The following TBXAS1 variants were observed in gnomAD, a reference collection of about 807,000 sequenced individuals.
TBXAS1 encodes thromboxane A synthase 1.
A neutral mutation model predicts 60.7 loss-of-function variants in TBXAS1; 48 were observed. That is an observed-to-expected ratio of 0.79 (90% CI 0.63 to 1.01). The LOEUF (loss-of-function observed/expected upper bound fraction) is 1.01. Among genes scored for constraint, TBXAS1 ranks in the 50% least tolerant of loss-of-function variants. The probability of loss-of-function intolerance (pLI) is 0.00; values close to 1 mark genes in which losing one functional copy is unlikely to be tolerated. For missense variants in TBXAS1, 685 were observed against 686.3 expected, an observed-to-expected ratio of 1.00 and a Z score of 0.02; for synonymous variants, 287 against 269.7, an observed-to-expected ratio of 1.06 and a Z score of -0.63.
chr7:139,954,942 G>A (rs530999914), intron 6 of TBXAS1, among the ~76,000 whole-genome samples: 4 of 152,348 alleles, frequency 2.6e-5, no homozygotes, highest in Non-Finnish European at 5.9e-5. Flanking sequence ...AAATCATTAA[G>A]AGGAAGAGGG....
chr7:139,886,761 A>G (rs147937089), intron 3 of TBXAS1, among the ~76,000 whole-genome samples: 110 of 152,240 alleles, frequency 7.2e-4, no homozygotes, highest in African/African-American at 2.5e-3. Context: ...TAACTCTTCA[A>G]GTTCACTTCT....
Position 139,942,558 on chromosome 7 carries a change from C to G in TBXAS1, c.450+6251C>G, listed in dbSNP as rs1366837984. Among the ~76,000 whole-genome samples the G allele has an allele frequency of 4.6e-5, 7 of 152,124 alleles. No homozygotes were observed. The East Asian group carries it at 1.2e-3, about 25-fold the overall frequency. ...TTGTATGTTCTCCATTCTCAAAGCC[C>G]AATATAAATGATGGGCTTTCTTCAT... On this transcript the variant is annotated intron_variant, in intron 5 of 12. Transcript: ENST00000448866.
intron 1 of TBXAS1, among the ~76,000 whole-genome samples, chr7:139,868,999 G>A (rs1801633602): frequency 6.6e-6 from 1 of 151,294 alleles, no homozygotes; most frequent in African/African-American, 2.4e-5. Flanking sequence ...GGGTCTTGCT[G>A]TGTTGCCCAG....
At chr7:139,943,385 A>G (rs991889539) in intron 5 of TBXAS1, among the ~76,000 whole-genome samples, 1 of 152,182 alleles carries the variant, frequency 6.6e-6, no homozygotes, top group Non-Finnish European at 1.5e-5. Context: ...TAAAATCACT[A>G]TCATGATGGA....
At chr7:140,006,083 C>T (rs1265074890) in intron 9 of TBXAS1, among the ~76,000 whole-genome samples, 1 of 152,202 alleles carries the variant, frequency 6.6e-6, no homozygotes, top group Non-Finnish European at 1.5e-5. Context: ...AATGGACTTG[C>T]CCTGAAGGCC....
chr7:139,915,303 A>G (rs1453773823), intron 4 of TBXAS1, among the ~76,000 whole-genome samples: 2 of 152,190 alleles, frequency 1.3e-5, no homozygotes, highest in Non-Finnish European at 2.9e-5. Context: ...GATTAGTGAG[A>G]CGTGATTTCT....
intron 1 of TBXAS1, among the ~76,000 whole-genome samples, chr7:139,779,155 G>A (rs1423192883): frequency 6.6e-6 from 1 of 152,160 alleles, no homozygotes; most frequent in African/African-American, 2.4e-5. Context: ...AAGTTGAAAA[G>A]CTATCTGTGT....
rs564560643 is a variant in TBXAS1, at chr7:139,928,822, T to G, written c.334-7369T>G. 2.6e-5 allele frequency among the ~76,000 whole-genome samples: 4 copies of G among 152,368 alleles called. No individual in the cohort carries two copies. In the South Asian group the frequency reaches 6.2e-4, roughly 24 times the overall value. ...TAAACATTACTTCTCAGTGAACTTG[T>G]TCCTAAGGATCACTTTTTTAAAAAA... On this transcript the variant is annotated intron_variant, in intron 4 of 12. Transcript: ENST00000448866.
intron 3 of TBXAS1, among the ~76,000 whole-genome samples, chr7:139,894,967 G>A (rs1182124294): frequency 6.6e-6 from 1 of 152,200 alleles, no homozygotes; most frequent in Non-Finnish European, 1.5e-5. Context: ...CATGGGCCAA[G>A]TTGCTCAAGA....
chr7:139,996,111 G>T (rs976124215), intron 9 of TBXAS1, among the ~76,000 whole-genome samples: 11 of 151,822 alleles, frequency 7.2e-5, no homozygotes. Context: ...TGGGATTACA[G>T]GTGCACACCA....
intron 1 of TBXAS1, among the ~76,000 whole-genome samples, chr7:139,843,081 G>A (rs948716393): frequency 6.6e-6 from 1 of 152,148 alleles, no homozygotes; most frequent in Non-Finnish European, 1.5e-5. Flanking sequence ...TAAAGTCCTC[G>A]CATGTGCTTC....
At chr7:139,927,588 T>C (rs558767463) in intron 4 of TBXAS1, among the ~76,000 whole-genome samples, 5 of 152,308 alleles carry the variant, frequency 3.3e-5, no homozygotes, top group Admixed American at 2.6e-4. Flanking sequence ...AGTACTATAA[T>C]AATCTTGCTA....
At chr7:139,812,091 C>T (rs1416382636) in intron 4 of TBXAS1, among the ~76,000 whole-genome samples, 1 of 152,182 alleles carries the variant, frequency 6.6e-6, no homozygotes, top group Admixed American at 6.5e-5. Context: ...AGTTCAGTAT[C>T]TTATGTTTAG....
chr7:139,998,603 G>A (rs1813456783), intron 9 of TBXAS1, among the ~76,000 whole-genome samples: 1 of 152,214 alleles, frequency 6.6e-6, no homozygotes, highest in African/African-American at 2.4e-5. Context: ...TCACAGTGTG[G>A]TTGTGAAGAC....
At chr7:139,936,116 G>A (rs1807746635) in intron 4 of TBXAS1, 75 bp from the exon 5 acceptor site, 2 of 1,386,718 alleles carry the variant, frequency 1.4e-6, no homozygotes, top group East Asian at 4.6e-5. Context: ...CAGGGTGTTT[G>A]TCATGGACCT....
intron 4 of TBXAS1, among the ~76,000 whole-genome samples, chr7:139,799,648 C>G (rs759441033): frequency 1.3e-5 from 2 of 152,208 alleles, no homozygotes; most frequent in African/African-American, 2.4e-5. Flanking sequence ...TGAGCCACCA[C>G]GCCCAGCCCA....
chr7:139,816,583 C>T (rs931882813), intron 4 of TBXAS1, among the ~76,000 whole-genome samples: 1 of 152,134 alleles, frequency 6.6e-6, no homozygotes, highest in Non-Finnish European at 1.5e-5. Flanking sequence ...AGAGTGGTCC[C>T]AGACCAGCAG....
At chr7:139,986,799 G>GTGTATA (rs761457610) in intron 9 of TBXAS1, among the ~76,000 whole-genome samples, 1 of 82,658 alleles carries the variant, frequency 1.2e-5, no homozygotes, top group African/African-American at 4.6e-5. Flanking sequence ...GTGTGTGTGT[G>GTGTATA]TATATATATA....
intron 1 of TBXAS1, among the ~76,000 whole-genome samples, chr7:139,836,665 C>G (rs941581250): frequency 1.3e-5 from 2 of 152,164 alleles, no homozygotes; most frequent in African/African-American, 4.8e-5. Flanking sequence ...AAAATCAACC[C>G]AAGATGAGTT....
Sources: allele counts gnomAD v4.1 joint callset (sites outside exome capture counted in the v4.1 genomes callset), GRCh38; gene constraint gnomAD v4.1.1; transcripts MANE v1.5; gene names NCBI Gene and HGNC (gene_info 2026-07-23, HGNC 2026-07-21).